Variants in FAM76B observed in about 807,000 individuals in gnomAD.
FAM76B encodes the protein protein FAM76B.
Under a neutral mutation model 51.8 loss-of-function variants are expected in FAM76B, and 16 were observed. The ratio of observed to expected loss-of-function variants is 0.31; its 90% CI spans 0.21 to 0.47. FAM76B has a LOEUF of 0.47. Ranked by LOEUF, FAM76B falls within the 20% of genes least tolerant of loss-of-function variation. The probability of loss-of-function intolerance (pLI) is 1.00; values close to 1 mark genes in which losing one functional copy is unlikely to be tolerated. For missense variants in FAM76B, 342 were observed against 392.6 expected, an observed-to-expected ratio of 0.87 and a Z score of 1.09; for synonymous variants, 166 against 129.5, an observed-to-expected ratio of 1.28 and a Z score of -1.91.
chr11:95,777,160 G>A (rs1860047880), intron 8 of FAM76B, among the ~76,000 whole-genome samples: 2 of 151,302 alleles, frequency 1.3e-5, no homozygotes, highest in African/African-American at 4.8e-5. Context: ...CTAGTTCAGT[G>A]TCTGGCTCTA....
At chr11:95,775,516 T>TA (rs1239138851) in intron 9 of FAM76B, among the ~76,000 whole-genome samples, 9 of 151,660 alleles carry the variant, frequency 5.9e-5, no homozygotes, top group African/African-American at 1.9e-4. Flanking sequence ...GAATTGGTTT[T>TA]ATACACCCAT....
chr11:95,775,398 T>C (rs61902242), intron 9 of FAM76B, among the ~76,000 whole-genome samples: 9,853 of 151,416 alleles, frequency 0.065, 408 homozygotes, highest in Middle Eastern at 0.13. Flanking sequence ...GGTGGATCAC[T>C]ACCTGTTAGC....
At chr11:95,782,974 C>T in intron 5 of FAM76B, 91 bp downstream of exon 5, 1 of 1,502,090 alleles carries the variant, frequency 6.7e-7, no homozygotes, top group Non-Finnish European at 9.0e-7. Flanking sequence ...ACTAGACTAG[C>T]ACATAGTCAA....
At chr11:95,779,555 T>C in intron 7 of FAM76B, 52 bp downstream of exon 7, 3 of 1,471,770 alleles carry the variant, frequency 2.0e-6, no homozygotes, top group Non-Finnish European at 2.8e-6. Context: ...CATTCAACCA[T>C]AACTATTCAA....
intron 1 of FAM76B, chr11:95,789,143 G>A: frequency 8.0e-7 from 1 of 1,253,612 alleles, no homozygotes; most frequent in Non-Finnish European, 1.1e-6. Flanking sequence ...GAGACCCCCA[G>A]ACGCTGACGG....
At chr11:95,788,231 T>C (rs1860712520) in intron 2 of FAM76B, among the ~76,000 whole-genome samples, 1 of 152,214 alleles carries the variant, frequency 6.6e-6, no homozygotes, top group Admixed American at 6.5e-5. Context: ...ACATAACTGT[T>C]TACATTTGCA....
chr11:95,772,158 T>C (rs1453784107), intron 9 of FAM76B, among the ~76,000 whole-genome samples: 1 of 151,136 alleles, frequency 6.6e-6, no homozygotes, highest in African/African-American at 2.4e-5. Context: ...ACTCAGAATT[T>C]GTTACTTTGC....
chr11:95,789,300 C>A, intron 1 of FAM76B, 92 bp downstream of exon 1: 1 of 1,385,432 alleles, frequency 7.2e-7, no homozygotes. Context: ...CCTGAGGCGC[C>A]GGCGAAGAGG....
At chr11:95,778,243 T>C (rs768774812) in intron 8 of FAM76B, among the ~76,000 whole-genome samples, 12 of 151,548 alleles carry the variant, frequency 7.9e-5, no homozygotes, top group Non-Finnish European at 1.5e-4. Context: ...TCTGTTAATA[T>C]TCCTCTTTTC....
rs889174978 is a variant in FAM76B, at chr11:95,788,569, A to G, written c.88-6T>C. ...GGATGTGCAATCCGACATTCCTGTA[A>G]TAAGACAATACATTAGTCAGTATCT... On this transcript the variant is annotated splice_region_variant and splice_polypyrimidine_tract_variant and intron_variant, in intron 1 of 9. Transcript: ENST00000358780. 9 of 1,610,224 alleles carry G rather than the reference A, an allele frequency of 5.6e-6. No individual in the cohort carries two copies. The highest frequency in any genetic ancestry group is 1.1e-5 in the South Asian group (1 of 90,978).
rs537637193 is a variant in FAM76B, at chr11:95,779,935, T to C, written c.564-9A>G. On this transcript the variant is annotated splice_polypyrimidine_tract_variant and intron_variant, in intron 5 of 9. Coordinates refer to ENST00000358780, the MANE Select transcript of FAM76B (RefSeq NM_144664.5). ...GACTTAGATTGCTGATTCTGAAAAA[T>C]ACACAAATGACATCTAATAATGACA... 1.3e-5 allele frequency: 21 copies of C among 1,603,584 alleles called. No individual in the cohort carries two copies. The highest frequency in any genetic ancestry group is 1.7e-5 in the Non-Finnish European group (20 of 1,175,488).
intron 5 of FAM76B, among the ~76,000 whole-genome samples, chr11:95,782,165 G>C (rs146251031): frequency 1.3e-5 from 2 of 152,028 alleles, no homozygotes; most frequent in African/African-American, 4.8e-5. Context: ...GACTAAAATT[G>C]CATTTTAAAA....
chr11:95,772,278 G>C (rs971612646), intron 9 of FAM76B, among the ~76,000 whole-genome samples: 20 of 150,918 alleles, frequency 1.3e-4, no homozygotes, highest in Non-Finnish European at 2.2e-4. Flanking sequence ...AGTGTGGTTT[G>C]AGCAGTTCCA....
intron 4 of FAM76B, 90 bp downstream of exon 4, chr11:95,786,029 C>T: frequency 6.8e-7 from 1 of 1,461,172 alleles, no homozygotes; most frequent in Non-Finnish European, 9.2e-7. Context: ...AAGAATAGAT[C>T]CAGTCTCAGT....
At chr11:95,782,096 A>ATT (rs1860302817) in intron 5 of FAM76B, among the ~76,000 whole-genome samples, 1 of 152,088 alleles carries the variant, frequency 6.6e-6, no homozygotes, top group Non-Finnish European at 1.5e-5. Context: ...CGTTTTTTCC[A>ATT]TTTTAATTTG....
chr11:95,783,905 T>C (rs1161999034), intron 4 of FAM76B, among the ~76,000 whole-genome samples: 3 of 152,166 alleles, frequency 2.0e-5, no homozygotes, highest in East Asian at 1.9e-4. Context: ...CAGACAAGTA[T>C]CCTTTTCACA....
Position 95,789,549 on chromosome 11 carries a change from C to T in FAM76B, c.-71G>A. ...GGCCCTACGGAGAACCCGAGAGCCG[C>T]CGCCGCCCGGGCCGCGGGCTCCTCC... On this transcript the variant is annotated 5_prime_UTR_variant, in exon 1 of 10. Coordinates refer to ENST00000358780, the MANE Select transcript of FAM76B (RefSeq NM_144664.5). 1 of 1,431,526 alleles carries T rather than the reference C, an allele frequency of 7.0e-7. No homozygotes were observed. The highest frequency in any genetic ancestry group is 9.4e-7 in the Non-Finnish European group (1 of 1,058,358). 88.7% of individuals were successfully genotyped at this position (1,431,526 alleles called of 1,614,324 possible). A position where few individuals can be genotyped will look rare whatever the true frequency, so the allele number is the denominator to read the frequency against.
rs1226221040 is a variant in FAM76B at position 95,769,588 on chromosome 11, G to GT, written c.*1972dup. 6.6e-6 allele frequency: 1 copy of GT among 151,866 alleles called. No individual in the cohort carries two copies. The highest frequency in any genetic ancestry group is 1.5e-5 in the Non-Finnish European group (1 of 67,732). The allele number at this position is 151,866 out of a possible 1,614,324, so 9.4% of individuals were successfully genotyped here. On this transcript the variant is annotated 3_prime_UTR_variant, in exon 10 of 10. Coordinates refer to ENST00000358780, the MANE Select transcript of FAM76B (RefSeq NM_144664.5). ...TCTTTTGTAGTTTCTCCAACAAGGT[G>GT]TAAGAACTATCAAAAAGTAAAACCA...
At chr11:95,789,234 GC>G in intron 1 of FAM76B, 157 bp downstream of exon 1, 2 of 971,436 alleles carry the variant, frequency 2.1e-6, no homozygotes, top group South Asian at 1.6e-5. Flanking sequence ...TAATGTTCAA[GC>G]CCCCAGAAAA....
Sources: allele counts gnomAD v4.1 joint callset (sites outside exome capture counted in the v4.1 genomes callset), GRCh38; gene constraint gnomAD v4.1.1; transcripts MANE v1.5; gene names NCBI Gene and HGNC (gene_info 2026-07-23, HGNC 2026-07-21).